TTN: variants seen among roughly 807,000 people sequenced by gnomAD.
TTN encodes the protein connectin.
A neutral mutation model predicts 3,223.0 loss-of-function variants in TTN; 1,525 were observed. That is an observed-to-expected ratio of 0.47 (90% confidence interval 0.45 to 0.49). TTN has a LOEUF of 0.49. Among genes scored for constraint, TTN ranks in the 20% least tolerant of loss-of-function variants. The pLI is 0.00. For synonymous variants in TTN, 14,094 were observed against 15,161.0 expected, an observed-to-expected ratio of 0.93 and a Z score of 5.17; for missense variants, 40,786 against 43,424.0, an observed-to-expected ratio of 0.94 and a Z score of 5.40.
rs886055275 is a variant in TTN, at chr2:178,621,923, A to G, written c.44999T>C (p.Ile15000Thr). ...TTCATCATCCAGTAGACATTTGTTG[A>G]TGACAAGAATGCGCACTGCTCCCTT... ...ISKGAVRILV[I>T]NKCLLDDEAE... The change falls in exon 244 of 363, where the codon ATC (isoleucine) becomes ACC (threonine). Residue 15000 changes from isoleucine (I) to threonine (T), a missense_variant. Ile to Thr is a moderately conservative substitution (Grantham distance 89, BLOSUM62 -1). Coordinates refer to ENST00000589042, the MANE Select transcript of TTN (RefSeq NM_001267550.2). 6.2e-7 allele frequency: 1 copy of G among 1,612,090 alleles called. No individual in the cohort carries two copies.
chr2:178,702,353 A>G (rs1014306851), intron 107 of TTN, 101 bp downstream of exon 107: 10 of 1,604,654 alleles, frequency 6.2e-6, no homozygotes, highest in Middle Eastern at 3.5e-4. Flanking sequence ...CTAAAAAAGC[A>G]TTCTAGATAG....
chr2:178,609,375 T>G lies in TTN; in HGVS notation c.51935A>C (p.Glu17312Ala). 6.2e-7 allele frequency: 1 copy of G among 1,612,190 alleles called. No individual in the cohort carries two copies. Among genetic ancestry groups the G allele is most frequent in the Non-Finnish European group, 8.5e-7 (1 of 1,179,000 alleles). Residue 17312 changes from glutamate to alanine, a missense_variant, in exon 273 of 363, where the codon GAA becomes GCA. Transcript: ENST00000589042. ...RRRKGEVQEE[E>A]PFVLPLTQRL... The stretch of plus-strand genomic sequence containing the variant: ...CTGTGTCAGAGGCAGGACAAATGGT[T>G]CTTCTTCTTGAACTTCACCCTTCCT...
At chr2:178,603,178 A>C (rs905576078) in intron 282 of TTN, among the ~76,000 whole-genome samples, 2 of 152,008 alleles carry the variant, frequency 1.3e-5, no homozygotes, top group Non-Finnish European at 2.9e-5. Context: ...CACAAAGCAC[A>C]TGTTCAATAC....
intron 47 of TTN, among the ~76,000 whole-genome samples, chr2:178,743,561 G>C (rs768221849): frequency 6.6e-6 from 1 of 151,878 alleles, no homozygotes; most frequent in Admixed American, 6.6e-5. Flanking sequence ...ATGAATAAGA[G>C]TGTTTTTCAG....
At position 178,566,851 on chromosome 2, in the gene TTN, G is replaced by C. The variant is rs766994654; in HGVS notation, c.79281C>G (p.Asp26427Glu). 2.9e-5 allele frequency: 47 copies of C among 1,613,278 alleles called. No homozygotes were observed. The highest frequency in any genetic ancestry group is 4.0e-5 in the Non-Finnish European group (47 of 1,179,668). ...ATTTTATCCATCGAATGCCACTTCTGTCTCTTTTCTCTACAATGTAACCAA... is the reference window on the plus strand; with the variant it reads ...ATTTTATCCATCGAATGCCACTTCTCTCTCTTTTCTCTACAATGTAACCAA... ...EIIGYIVEKR[D>E]RSGIRWIKCN... The change falls in exon 326 of 363, where the codon GAC becomes GAG. Residue 26427 changes from aspartate to glutamate, a missense_variant. Coordinates refer to ENST00000589042, the MANE Select transcript of TTN (RefSeq NM_001267550.2).
In TTN at chr2:178,561,982, T is replaced by G. The variant is rs769292050; in HGVS notation, c.84150A>C (p.Ile28050=). 1 of 1,613,376 alleles carries G rather than the reference T, an allele frequency of 6.2e-7. No individual in the cohort carries two copies. The highest frequency in any genetic ancestry group is 1.7e-5 in the Admixed American group (1 of 59,972). The change falls in exon 326 of 363, where the codon ATA becomes ATC. Residue 28050 remains isoleucine (I), a synonymous_variant. Transcript: ENST00000589042. Reference sequence around the variant, plus strand: ...GAGGTCCTGGTCTGTCAAGGACAATTATAGTAATAGGAACTGTTATGGATC... The same window carrying G: ...GAGGTCCTGGTCTGTCAAGGACAATGATAGTAATAGGAACTGTTATGGATC... ...SAGSITVPIT[I]IVLDRPGPPG... is the part of the protein sequence containing the mutation.
At position 178,775,046 on chromosome 2, in the gene TTN, A is replaced by G. The variant is rs757071471; in HGVS notation, c.6665T>C (p.Met2222Thr). The G allele has an allele frequency of 2.5e-6, 4 of 1,614,054 alleles. No individual in the cohort carries two copies. The Admixed American group carries it at 6.7e-5, about 27-fold the overall frequency. Residue 2222 changes from methionine (M) to threonine (T), a missense_variant, in exon 29 of 363, where the codon ATG becomes ACG. Coordinates refer to ENST00000589042, the MANE Select transcript of TTN (RefSeq NM_001267550.2). ...MEVHEGDKYR[M>T]HSDRKVHFLS... ...GAAGTGAACCTTTCTGTCAGAGTGC[A>G]TCCTGTATTTATCTCCCTCATGAAC...
In TTN at chr2:178,775,006, G is replaced by A. The variant is rs140208507; in HGVS notation, c.6705C>T (p.Thr2235=). The change falls in exon 29 of 363, where the codon ACC becomes ACT. Residue 2235 remains threonine, a synonymous_variant. Transcript: ENST00000589042. ...DRKVHFLSIL[T]IDTSDAEDYS... ...AATCTTCAGCATCAGACGTATCAAT[G>A]GTCAGTATGGAGAGGAAGTGAACCT... 28 of 1,613,822 alleles carry A rather than the reference G, an allele frequency of 1.7e-5. No individual in the cohort carries two copies. Among genetic ancestry groups the A allele is most frequent in the Non-Finnish European group, 2.3e-5 (27 of 1,179,916 alleles).
intron 23 of TTN, 24 bp downstream of exon 23, chr2:178,779,205 C>A (rs781015069): frequency 6.2e-7 from 1 of 1,613,072 alleles, no homozygotes; most frequent in Non-Finnish European, 8.5e-7. Flanking sequence ...TGGCAAGGAG[C>A]TATGATAAAT....
In TTN at chr2:178,589,559, G is replaced by A. The variant is rs750725073; in HGVS notation, c.62166C>T (p.Ser20722=). ...CAACCATGTAGTGAGTTTCTTTAAT[G>A]CTTCCTTTATGCACTCTTTCCCAGT... ...SDDWERVHKG[S]IKETHYMVDR... The change falls in exon 304 of 363, where the codon AGC becomes AGT. Residue 20722 remains serine (S), a synonymous_variant. Transcript: ENST00000589042. 14 of 1,613,016 alleles carry A rather than the reference G, an allele frequency of 8.7e-6. No homozygotes were observed. The Admixed American group carries it at 2.3e-4, about 27-fold the overall frequency.
Position 178,593,862 on chromosome 2 carries a change from G to A in TTN, c.58438C>T (p.Pro19480Ser). 2 of 1,610,084 alleles carry A rather than the reference G, an allele frequency of 1.2e-6. No individual in the cohort carries two copies. Among genetic ancestry groups the A allele is most frequent in the Admixed American group, 3.4e-5 (2 of 59,324 alleles). The change falls in exon 298 of 363, where the codon CCT becomes TCT. Residue 19480 changes from proline (P) to serine (S), a missense_variant. Transcript: ENST00000589042. ...CTAACTGGTCCTACTGGTGGTCCAG[G>A]ACGGTCTGCAGAAAAAAAAAATCAT... is the stretch of plus-strand genomic sequence containing the variant. ...GFCQVNVVDRPGPPVGPVSFD... is the reference protein window; with the variant it reads ...GFCQVNVVDRSGPPVGPVSFD...
chr2:178,773,390 T>C (rs2154344594), intron 32 of TTN, 21 bp from the exon 33 acceptor site: 1 of 1,613,904 alleles, frequency 6.2e-7, no homozygotes, highest in Admixed American at 1.7e-5. Flanking sequence ...AATAAAATAA[T>C]CTCTTGGTTA....
rs72648984 is a variant in TTN, at chr2:178,718,033, T to C, written c.24973A>G (p.Lys8325Glu). ...KNNVASLVIN[K>E]VDHSDVGEYS... Reference sequence around the variant, plus strand: ...TCTCCCACATCACTGTGATCCACTTTGTTGATTACTAAGGAAGCAACGTTA... The same window carrying C: ...TCTCCCACATCACTGTGATCCACTTCGTTGATTACTAAGGAAGCAACGTTA... The change falls in exon 86 of 363, where the codon AAA becomes GAA. Residue 8325 changes from lysine to glutamate, a missense_variant. Physicochemically the swap from Lys to Glu is moderately conservative, Grantham distance 56 (BLOSUM62 1). Coordinates refer to ENST00000589042, the MANE Select transcript of TTN (RefSeq NM_001267550.2). 5.7e-3 allele frequency: 9,187 copies of C among 1,613,834 alleles called. 48 individuals carry two copies. The highest frequency in any genetic ancestry group is 6.7e-3 in the Non-Finnish European group (7,853 of 1,179,728).
At chr2:178,798,464 T>TAA (rs1383829964) in intron 6 of TTN, 6 of 152,276 alleles carry the variant, frequency 3.9e-5, no homozygotes, top group Admixed American at 2.0e-4. Flanking sequence ...AGAAGTCCAT[T>TAA]TTATTTTCTA....
Position 178,775,690 on chromosome 2 carries a change from T to G in TTN, c.6174A>C (p.Lys2058Asn), listed in dbSNP as rs1198045626. Residue 2058 changes from lysine (K) to asparagine (N), a missense_variant, in exon 28 of 363, where the codon AAA (lysine) becomes AAC (asparagine). Lys to Asn is a moderately conservative substitution (Grantham distance 94). Transcript: ENST00000589042. ...CAGGTTTAAAAGTTGGAATCGTGAT[T>G]TTGCCTTCTTCGGCAAGAGCTTTCT... is the stretch of plus-strand genomic sequence containing the variant. ...EEKKALAEEG[K>N]ITIPTFKPDK... 6.2e-7 allele frequency: 1 copy of G among 1,614,142 alleles called. No homozygotes were observed. Among genetic ancestry groups the G allele is most frequent in the South Asian group, 1.1e-5 (1 of 91,084 alleles).
rs765092290 is a variant in TTN at position 178,589,344 on chromosome 2, C to G, written c.62381G>C (p.Arg20794Thr). The G allele has an allele frequency of 4.3e-6, 7 of 1,613,142 alleles. No individual in the cohort carries two copies. In the Admixed American group the frequency reaches 5.0e-5, roughly 12 times the overall value. Residue 20794 changes from arginine (R) to threonine (T), a missense_variant, in exon 304 of 363, where the codon AGA becomes ACA. Coordinates refer to ENST00000589042, the MANE Select transcript of TTN (RefSeq NM_001267550.2). The stretch of plus-strand genomic sequence containing the variant: ...TGCAACTTCTGGGAATGGTTTGCCT[C>G]TAACCCCTGCCTCAAGCCTAATGGT... ...GDTIRLEAGVRGKPFPEVAWT... is the reference protein window; with the variant it reads ...GDTIRLEAGVTGKPFPEVAWT...
chr2:178,765,118 G>A (rs905458556), intron 41 of TTN, among the ~76,000 whole-genome samples: 6 of 152,096 alleles, frequency 3.9e-5, no homozygotes, highest in Non-Finnish European at 8.8e-5. Context: ...GCTTAGCGAT[G>A]GACACCTGAA....
intron 278 of TTN, among the ~76,000 whole-genome samples, chr2:178,606,330 T>C (rs2054804678): frequency 6.6e-6 from 1 of 151,894 alleles, no homozygotes; most frequent in Non-Finnish European, 1.5e-5. Context: ...GCCTGTGGTA[T>C]ATTGGACGTT....
intron 163 of TTN, among the ~76,000 whole-genome samples, chr2:178,666,225 AT>A (rs2065906885): frequency 6.6e-6 from 1 of 152,148 alleles, no homozygotes; most frequent in Admixed American, 6.6e-5. Flanking sequence ...CTGAGAAAAA[AT>A]ATCAAAATAT....
Sources: allele counts gnomAD v4.1 joint callset (sites outside exome capture counted in the v4.1 genomes callset), GRCh38; gene constraint gnomAD v4.1.1; transcripts MANE v1.5; gene names NCBI Gene and HGNC (gene_info 2026-07-23, HGNC 2026-07-21).